Variants in DLG2 observed in about 807,000 individuals in gnomAD.
DLG2 encodes disks large homolog 2.
DLG2 carries 45 observed loss-of-function variants against 132.5 expected under a neutral mutation model. The ratio of observed to expected loss-of-function variants is 0.34; its 90% CI spans 0.27 to 0.44. The LOEUF (loss-of-function observed/expected upper bound fraction) is 0.44. Ranked by LOEUF, DLG2 falls within the 20% of genes least tolerant of loss-of-function variation. DLG2 has a pLI of 1.00. For missense variants in DLG2, 1,045 were observed against 1,196.9 expected (o/e 0.87, Z 1.87); for synonymous variants, 424 against 419.6 (o/e 1.01, Z -0.13).
At chr11:84,792,209 A>G (rs989966900) in intron 6 of DLG2, among the ~76,000 whole-genome samples, 3 of 152,098 alleles carry the variant, frequency 2.0e-5, no homozygotes, top group Non-Finnish European at 4.4e-5. Context: ...TTTGTCCTTC[A>G]TTCTGTTTAT....
At chr11:84,317,489 T>A (rs1374874588) in intron 7 of DLG2, 2 of 533,062 alleles carry the variant, frequency 3.8e-6, no homozygotes, top group East Asian at 8.7e-5. Flanking sequence ...AGCCCTACAG[T>A]AAAGAATAAC....
At chr11:84,937,341 C>G (rs1700425989) in intron 6 of DLG2, among the ~76,000 whole-genome samples, 1 of 148,406 alleles carries the variant, frequency 6.7e-6, no homozygotes, top group Admixed American at 6.7e-5. Flanking sequence ...GATGAAGAAA[C>G]TGAGGCCACT....
chr11:84,172,159 C>A (rs2095839665), intron 8 of DLG2, among the ~76,000 whole-genome samples: 1 of 152,058 alleles, frequency 6.6e-6, no homozygotes, highest in Non-Finnish European at 1.5e-5. Flanking sequence ...TCTGCTTAAG[C>A]TTTGTTTAGA....
At chr11:84,092,219 G>A (rs569949100) in intron 10 of DLG2, among the ~76,000 whole-genome samples, 1 of 152,154 alleles carries the variant, frequency 6.6e-6, no homozygotes, top group African/African-American at 2.4e-5. Flanking sequence ...TTATTAGGGG[G>A]CATCTTAGAA....
rs2099385848 is a variant in DLG2, at chr11:84,544,585, T to C, written c.358-9854A>G. On this transcript the variant is annotated intron_variant, in intron 6 of 27. Transcript: ENST00000376104. ...AGTGGAAAGTGCATGAATTCTGGCA[T>C]TAGACACATGATCTCAAATCTTGGT... Among the ~76,000 whole-genome samples the C allele has an allele frequency of 2.6e-5, 4 of 152,326 alleles. No individual in the cohort carries two copies. In the South Asian group the frequency reaches 6.2e-4, roughly 24 times the overall value.
intron 7 of DLG2, among the ~76,000 whole-genome samples, chr11:84,347,171 G>A (rs1475380093): frequency 6.6e-6 from 1 of 152,080 alleles, no homozygotes; most frequent in South Asian, 2.1e-4. Context: ...ACAGACAGAA[G>A]CTTGGCAGTA....
intron 6 of DLG2, among the ~76,000 whole-genome samples, chr11:84,644,444 C>T (rs1178102029): frequency 1.3e-5 from 2 of 152,136 alleles, no homozygotes; most frequent in Non-Finnish European, 2.9e-5. Context: ...CGGTGGCTCA[C>T]ACCTGTAATC....
At chr11:84,958,988 CA>C (rs2052120383) in intron 6 of DLG2, among the ~76,000 whole-genome samples, 5 of 152,268 alleles carry the variant, frequency 3.3e-5, no homozygotes, top group Non-Finnish European at 5.9e-5. Context: ...TAATATTTGG[CA>C]TCTGGGTCCT....
At chr11:84,650,819 TAACAG>T (rs1450112432) in intron 6 of DLG2, among the ~76,000 whole-genome samples, 1 of 148,112 alleles carries the variant, frequency 6.8e-6, no homozygotes, top group African/African-American at 2.5e-5. Context: ...GATTTTACCA[TAACAG>T]AAAAGTTATA....
At chr11:83,768,405 C>CA (rs1229131999) in intron 18 of DLG2, among the ~76,000 whole-genome samples, 1 of 152,150 alleles carries the variant, frequency 6.6e-6, no homozygotes, top group Admixed American at 6.5e-5. Flanking sequence ...AGTTGAAATT[C>CA]AAAATTGCTA....
At chr11:84,228,590 G>A (rs2097044148) in intron 8 of DLG2, among the ~76,000 whole-genome samples, 1 of 152,136 alleles carries the variant, frequency 6.6e-6, no homozygotes, top group African/African-American at 2.4e-5. Flanking sequence ...GATGTGATAT[G>A]ATACATGAAA....
chr11:84,361,709 ATTTAAAG>A (rs2098650787), intron 7 of DLG2, among the ~76,000 whole-genome samples: 1 of 152,048 alleles, frequency 6.6e-6, no homozygotes, highest in African/African-American at 2.4e-5. Context: ...ATAAATGACT[ATTTAAAG>A]CAAAAATGAT....
intron 15 of DLG2, among the ~76,000 whole-genome samples, chr11:83,922,760 C>T (rs1400107375): frequency 4.6e-5 from 7 of 152,104 alleles, no homozygotes; most frequent in African/African-American, 1.7e-4. Context: ...TGTGAGAATG[C>T]CTTGGGTACA....
At position 84,420,650 on chromosome 11, in the gene DLG2, C is replaced by CTTTTTTTTTTTTTTTTTTTTT. The variant is rs768420271; in HGVS notation, c.519+113899_519+113919dup. ...CAGCACAGTGACCAATGCTTGTTTT[C>CTTTTTTTTTTTTTTTTTTTTT]TTTTTTTTTTTTTTTTTTTTTTTTT... On this transcript the variant is annotated intron_variant, in intron 7 of 27. Coordinates refer to ENST00000376104, the MANE Select transcript of DLG2 (RefSeq NM_001142699.3). Among the ~76,000 whole-genome samples the CTTTTTTTTTTTTTTTTTTTTT allele has an allele frequency of 4.7e-4, 20 of 42,236 alleles. 9 individuals are homozygous for CTTTTTTTTTTTTTTTTTTTTT. The highest frequency in any genetic ancestry group is 5.2e-4 in the Non-Finnish European group (11 of 21,018). The allele number at this position is 42,236 out of a possible 152,430, so 27.7% of individuals were successfully genotyped here.
At chr11:84,415,367 C>G (rs1006272822) in intron 7 of DLG2, among the ~76,000 whole-genome samples, 9 of 152,156 alleles carry the variant, frequency 5.9e-5, no homozygotes, top group African/African-American at 2.2e-4. Flanking sequence ...TTGCATTAAA[C>G]ACATGATATT....
intron 8 of DLG2, among the ~76,000 whole-genome samples, chr11:84,201,580 CT>C (rs35796062): frequency 0.79 from 104,282 of 131,708 alleles, 41,153 homozygotes; most frequent in Middle Eastern, 0.9. Context: ...TGGTTCTGGG[CT>C]TTTTTTTTTT....
chr11:84,476,200 G>A (rs182064408), intron 7 of DLG2, among the ~76,000 whole-genome samples: 22 of 152,256 alleles, frequency 1.4e-4, no homozygotes, highest in Admixed American at 7.9e-4. Context: ...AAGAGCAGCA[G>A]TTCAACTCAC....
chr11:84,521,958 C>T (rs1478963050), intron 7 of DLG2, among the ~76,000 whole-genome samples: 1 of 152,020 alleles, frequency 6.6e-6, no homozygotes, highest in Non-Finnish European at 1.5e-5. Flanking sequence ...GTCAGGAGTT[C>T]AAGACCAGCC....
At chr11:83,687,118 A>G (rs2079934817) in intron 18 of DLG2, among the ~76,000 whole-genome samples, 1 of 152,146 alleles carries the variant, frequency 6.6e-6, no homozygotes, top group Non-Finnish European at 1.5e-5. Flanking sequence ...TAGACCAGGT[A>G]TTTCCCTAGT....
Sources: allele counts gnomAD v4.1 joint callset (sites outside exome capture counted in the v4.1 genomes callset), GRCh38; gene constraint gnomAD v4.1.1; transcripts MANE v1.5; gene names NCBI Gene and HGNC (gene_info 2026-07-23, HGNC 2026-07-21).